PLXNA2: variants seen among roughly 807,000 people sequenced by gnomAD.
The protein encoded by PLXNA2 is plexin-A2.
Under a neutral mutation model 193.5 loss-of-function variants are expected in PLXNA2, and 91 were observed. That is an observed-to-expected ratio of 0.47 (90% confidence interval 0.40 to 0.56). The LOEUF (loss-of-function observed/expected upper bound fraction) is 0.56. PLXNA2 is among the 20% of genes least tolerant of loss of function. The pLI is 0.00. For missense variants in PLXNA2, 1,995 were observed against 2,503.2 expected (o/e 0.80, Z 4.33); for synonymous variants, 997 against 1,027.3 (o/e 0.97, Z 0.56).
intron 5 of PLXNA2, among the ~76,000 whole-genome samples, chr1:208,102,265 C>T (rs12138048): frequency 0.43 from 64,741 of 152,090 alleles, 13,979 homozygotes; most frequent in African/African-American, 0.44. Flanking sequence ...TCTGGCCCTC[C>T]GCCTCCGCCT....
chr1:208,209,668 G>A (rs373037691), intron 3 of PLXNA2, among the ~76,000 whole-genome samples: 45 of 152,284 alleles, frequency 3.0e-4, no homozygotes, highest in African/African-American at 9.9e-4. Context: ...GGAGGCGCAA[G>A]GTAAAATGTC....
At chr1:208,117,983 C>T (rs1667690823) in intron 4 of PLXNA2, among the ~76,000 whole-genome samples, 1 of 152,124 alleles carries the variant, frequency 6.6e-6, no homozygotes, top group African/African-American at 2.4e-5. Flanking sequence ...GAAGCTATGC[C>T]ACCTGCCTGA....
At chr1:208,071,016 G>A (rs1322170130) in intron 12 of PLXNA2, among the ~76,000 whole-genome samples, 4 of 152,198 alleles carry the variant, frequency 2.6e-5, no homozygotes, top group East Asian at 1.9e-4. Flanking sequence ...AGGCTGACTC[G>A]AGGAGGGGAG....
chr1:208,052,416 T>A lies in PLXNA2; in HGVS notation c.2904A>T (p.Gly968=). The change falls in exon 15 of 32, where the codon GGA becomes GGT. Residue 968 remains glycine, a synonymous_variant. Transcript: ENST00000367033. ...GGCCGGTAATGGTCACCATAGTGCC[T>A]CCTGACTCGGGACCTCGGATTGGGT... The part of the protein sequence containing the change: ...SLNPIRGPES[G]GTMVTITGHY... 6.2e-7 allele frequency: 1 copy of A among 1,614,110 alleles called. No individual in the cohort carries two copies. Among genetic ancestry groups the A allele is most frequent in the Non-Finnish European group, 8.5e-7 (1 of 1,179,978 alleles).
intron 3 of PLXNA2, among the ~76,000 whole-genome samples, chr1:208,172,061 G>A (rs1344233701): frequency 2.0e-5 from 3 of 147,854 alleles, no homozygotes; most frequent in Non-Finnish European, 4.5e-5. Flanking sequence ...AATTACTTCT[G>A]CACCAATGTT....
At chr1:208,177,358 C>T (rs576834746) in intron 3 of PLXNA2, among the ~76,000 whole-genome samples, 16 of 152,270 alleles carry the variant, frequency 1.1e-4, no homozygotes, top group African/African-American at 3.6e-4. Flanking sequence ...TGAATCCCTA[C>T]TCCACCTCTG....
chr1:208,193,216 G>A (rs1363230995), intron 3 of PLXNA2, among the ~76,000 whole-genome samples: 1 of 152,230 alleles, frequency 6.6e-6, no homozygotes, highest in Non-Finnish European at 1.5e-5. Context: ...AGACAGCAGA[G>A]GCCCAGGGTT....
chr1:208,218,481 C>A (rs1422715604), intron 1 of PLXNA2, among the ~76,000 whole-genome samples: 1 of 152,198 alleles, frequency 6.6e-6, no homozygotes, highest in Non-Finnish European at 1.5e-5. Context: ...ATATTGCACA[C>A]AAAATTCCTT....
Position 208,098,839 on chromosome 1 carries a change from T to C in PLXNA2, c.1731+7A>G. The C allele has an allele frequency of 6.2e-7, 1 of 1,613,308 alleles. No individual in the cohort carries two copies. Among genetic ancestry groups the C allele is most frequent in the Non-Finnish European group, 8.5e-7 (1 of 1,179,754 alleles). ...CCTCTCCCCATGCCCCTGGATGAGT[T>C]ACTTACCAACCGGCTGTGCTCAGAT... On this transcript the variant is annotated splice_region_variant and intron_variant, in intron 6 of 31. Transcript: ENST00000367033.
chr1:208,102,133 G>A (rs905031158), intron 5 of PLXNA2, among the ~76,000 whole-genome samples: 9 of 152,182 alleles, frequency 5.9e-5, no homozygotes, highest in Non-Finnish European at 1.2e-4. Flanking sequence ...CAGTATTCAC[G>A]GGCTCAAATC....
chr1:208,046,179 C>G (rs1558163180), intron 17 of PLXNA2, 62 bp from the exon 18 acceptor site: 5 of 1,543,084 alleles, frequency 3.2e-6, no homozygotes, highest in East Asian at 2.3e-5. Context: ...CAGGGGCCCA[C>G]AGCCGCTCTC....
chr1:208,213,437 C>T (rs1671026932), intron 2 of PLXNA2, among the ~76,000 whole-genome samples: 1 of 151,868 alleles, frequency 6.6e-6, no homozygotes, highest in Admixed American at 6.6e-5. Flanking sequence ...CTTACTTAGT[C>T]TTTGTGAGCC....
chr1:208,067,207 G>A (rs1665827276), intron 12 of PLXNA2, among the ~76,000 whole-genome samples: 1 of 151,974 alleles, frequency 6.6e-6, no homozygotes, highest in African/African-American at 2.4e-5. Context: ...AGCCAGGCTT[G>A]GTGTTGCATG....
chr1:208,137,284 C>T (rs1040965231), intron 4 of PLXNA2, among the ~76,000 whole-genome samples: 1 of 152,204 alleles, frequency 6.6e-6, no homozygotes, highest in African/African-American at 2.4e-5. Flanking sequence ...GCCTCTATTC[C>T]CTCTGCTAAT....
At chr1:208,205,021 G>A (rs992186063) in intron 3 of PLXNA2, among the ~76,000 whole-genome samples, 2 of 152,192 alleles carry the variant, frequency 1.3e-5, no homozygotes, top group Non-Finnish European at 2.9e-5. Flanking sequence ...GCAGGGATGT[G>A]AAACCTGGGT....
chr1:208,144,143 C>G (rs1272318210), intron 3 of PLXNA2, among the ~76,000 whole-genome samples: 1 of 152,196 alleles, frequency 6.6e-6, no homozygotes, highest in Non-Finnish European at 1.5e-5. Flanking sequence ...CTCCCTCTGC[C>G]TGTTTCTCCC....
intron 12 of PLXNA2, among the ~76,000 whole-genome samples, chr1:208,074,054 C>T (rs1230214503): frequency 7.9e-5 from 12 of 152,242 alleles, no homozygotes; most frequent in South Asian, 2.1e-4. Context: ...CTGATACACT[C>T]GCTTGGAGTG....
At chr1:208,134,980 T>G (rs1369092755) in intron 4 of PLXNA2, among the ~76,000 whole-genome samples, 1 of 152,190 alleles carries the variant, frequency 6.6e-6, no homozygotes, top group Non-Finnish European at 1.5e-5. Flanking sequence ...AGGATTCTTA[T>G]TTTTGGTTCT....
chr1:208,144,552 G>A (rs969980407), intron 3 of PLXNA2, among the ~76,000 whole-genome samples: 1 of 152,128 alleles, frequency 6.6e-6, no homozygotes, highest in Non-Finnish European at 1.5e-5. Context: ...TATACCCCAC[G>A]GATGAAAATG....
Sources: gnomAD v4.1 joint callset for allele counts (sites outside exome capture counted in the v4.1 genomes callset) on GRCh38, gnomAD v4.1.1 for gene constraint, MANE v1.5 for transcripts, NCBI Gene and HGNC (gene_info 2026-07-23, HGNC 2026-07-21) for gene names.